The following CREB5 variants were observed in gnomAD, a reference collection of about 807,000 sequenced individuals.
CREB5 encodes the protein cyclic AMP-responsive element-binding protein 5.
In CREB5, 19 loss-of-function variants were observed where a neutral mutation model predicts 57.1. The ratio of observed to expected loss-of-function variants is 0.33; its 90% CI spans 0.23 to 0.49. CREB5 has a LOEUF of 0.49. CREB5 is among the 20% of genes least tolerant of loss of function. The probability of loss-of-function intolerance (pLI) is 0.99; values close to 1 mark genes in which losing one functional copy is unlikely to be tolerated. For synonymous variants in CREB5, 238 were observed against 238.3 expected, an observed-to-expected ratio of 1.00 and a Z score of 0.01; for missense variants, 579 against 671.6, an observed-to-expected ratio of 0.86 and a Z score of 1.52.
chr7:28,365,943 T>C (rs1336485422), intron 1 of CREB5, among the ~76,000 whole-genome samples: 2 of 152,224 alleles, frequency 1.3e-5, no homozygotes, highest in Non-Finnish European at 2.9e-5. Context: ...TTGCTAGGGA[T>C]AGAATTTCCA....
At chr7:28,537,660 A>G (rs946023195) in intron 4 of CREB5, among the ~76,000 whole-genome samples, 1 of 152,348 alleles carries the variant, frequency 6.6e-6, no homozygotes, top group African/African-American at 2.4e-5. Flanking sequence ...TGAATTTCCA[A>G]CAGGGTATGC....
chr7:28,362,707 C>A (rs1427873545), intron 1 of CREB5, among the ~76,000 whole-genome samples: 5 of 152,174 alleles, frequency 3.3e-5, no homozygotes, highest in African/African-American at 1.2e-4. Flanking sequence ...TGTGTTTATA[C>A]ATGCCTGTAG....
chr7:28,399,144 T>A (rs936707952), intron 1 of CREB5, among the ~76,000 whole-genome samples: 1 of 152,116 alleles, frequency 6.6e-6, no homozygotes, highest in Non-Finnish European at 1.5e-5. Flanking sequence ...AGAGCTGATA[T>A]AAGAGTGGGG....
chr7:28,700,442 G>T (rs915248962), intron 5 of CREB5, among the ~76,000 whole-genome samples: 3 of 152,160 alleles, frequency 2.0e-5, no homozygotes, highest in African/African-American at 7.2e-5. Flanking sequence ...GGGCAGCAAT[G>T]ATCTTTTATT....
At chr7:28,672,111 A>C (rs532202409) in intron 5 of CREB5, among the ~76,000 whole-genome samples, 26 of 152,118 alleles carry the variant, frequency 1.7e-4, no homozygotes, top group African/African-American at 6.3e-4. Context: ...AAATACAAAA[A>C]TCACTTTCTA....
chr7:28,306,443 C>T (rs1352501598), intron 1 of CREB5, among the ~76,000 whole-genome samples: 2 of 151,780 alleles, frequency 1.3e-5, no homozygotes, highest in African/African-American at 4.8e-5. Context: ...TTGATGTCTG[C>T]CAGGGTAGAC....
At chr7:28,577,732 G>A (rs1795957014) in intron 5 of CREB5, among the ~76,000 whole-genome samples, 1 of 152,120 alleles carries the variant, frequency 6.6e-6, no homozygotes, top group African/African-American at 2.4e-5. Context: ...GGGGGGTGGG[G>A]TACCACTAGA....
chr7:28,330,440 G>A (rs1221572652), intron 1 of CREB5, among the ~76,000 whole-genome samples: 1 of 88,146 alleles, frequency 1.1e-5, no homozygotes, highest in Admixed American at 1.4e-4. Flanking sequence ...AGTTTGCATC[G>A]TCAGAGGAAC....
chr7:28,749,039 T>C (rs568397380), intron 7 of CREB5, among the ~76,000 whole-genome samples: 1 of 152,304 alleles, frequency 6.6e-6, no homozygotes, highest in Non-Finnish European at 1.5e-5. Context: ...CTACTAAAAC[T>C]GCCTTGAGCC....
At chr7:28,422,858 A>C (rs1244750693) in intron 1 of CREB5, among the ~76,000 whole-genome samples, 1 of 152,202 alleles carries the variant, frequency 6.6e-6, no homozygotes, top group Non-Finnish European at 1.5e-5. Context: ...TACCTAGACA[A>C]CCACTGATTA....
chr7:28,690,050 CAA>C lies in CREB5; in HGVS notation c.465-28701_465-28700del, dbSNP rs149418817. 1.1e-3 allele frequency among the ~76,000 whole-genome samples: 166 copies of C among 152,232 alleles called. 1 individual carries two copies. The highest frequency in any genetic ancestry group is 3.9e-3 in the African/African-American group (163 of 41,548). On this transcript the variant is annotated intron_variant, in intron 5 of 10. Transcript: ENST00000357727. ...TCTAGGTCTAGCTCACCATCACCAACAAACTTTCCATCACCATCCTGACTTGG... is the reference window on the plus strand; with the variant it reads ...TCTAGGTCTAGCTCACCATCACCAACACTTTCCATCACCATCCTGACTTGG...
intron 5 of CREB5, among the ~76,000 whole-genome samples, chr7:28,637,044 C>T (rs931595361): frequency 2.6e-5 from 4 of 151,956 alleles, no homozygotes; most frequent in Non-Finnish European, 5.9e-5. Flanking sequence ...GTCCCAGCTA[C>T]TTGGGAGGCT....
chr7:28,472,571 G>A (rs576240227), intron 1 of CREB5, among the ~76,000 whole-genome samples: 1 of 152,270 alleles, frequency 6.6e-6, no homozygotes, highest in East Asian at 1.9e-4. Context: ...TTCTTACTTT[G>A]CGGGGAAGTC....
Position 28,317,102 on chromosome 7 carries a change from C to T in CREB5, c.-25+17661C>T, listed in dbSNP as rs1282122258. Among the ~76,000 whole-genome samples, 9 of 151,124 alleles carry T rather than the reference C, an allele frequency of 6.0e-5. No individual in the cohort carries two copies. The Admixed American group carries it at 6.0e-4, about 10-fold the overall frequency. ...GCAGAAATACAAAAGGAGACCCATC[C>T]CATCTCCTCCCTGGCAGTATTTATC... is the stretch of plus-strand genomic sequence containing the variant. On this transcript the variant is annotated intron_variant, in intron 1 of 9. Coordinates refer to the CREB5 transcript ENST00000396299.
rs1284985721 is a variant in CREB5, at chr7:28,570,345, C to T, written c.292-20C>T. The T allele has an allele frequency of 6.9e-6, 11 of 1,602,380 alleles. No individual in the cohort carries two copies. Among genetic ancestry groups the T allele is most frequent in the Non-Finnish European group, 6.8e-6 (8 of 1,172,076 alleles). On this transcript the variant is annotated intron_variant, in intron 4 of 10. Transcript: ENST00000357727. Reference sequence around the variant, plus strand: ...AACATTGACTCCTCCTGACCTTTCCCCTGTGTCTTCTCTGGGCAGAATATC... The same window carrying T: ...AACATTGACTCCTCCTGACCTTTCCTCTGTGTCTTCTCTGGGCAGAATATC...
At chr7:28,305,470 G>C (rs574783627) in intron 1 of CREB5, among the ~76,000 whole-genome samples, 12 of 152,304 alleles carry the variant, frequency 7.9e-5, no homozygotes, top group African/African-American at 2.4e-4. Flanking sequence ...TTCTAGCTCT[G>C]TAGCTCAGTA....
At chr7:28,793,818 T>A (rs1348915437) in intron 7 of CREB5, among the ~76,000 whole-genome samples, 3 of 152,242 alleles carry the variant, frequency 2.0e-5, no homozygotes, top group Non-Finnish European at 4.4e-5. Flanking sequence ...CAAGGACTAC[T>A]GTGCGTTGAA....
chr7:28,643,991 T>C (rs1172034395), intron 5 of CREB5, among the ~76,000 whole-genome samples: 2 of 151,562 alleles, frequency 1.3e-5, no homozygotes, highest in Non-Finnish European at 2.9e-5. Flanking sequence ...GGTGGGAGAA[T>C]TGTTTGGGCC....
intron 4 of CREB5, among the ~76,000 whole-genome samples, chr7:28,511,478 T>C (rs1464912171): frequency 6.6e-6 from 1 of 152,064 alleles, no homozygotes; most frequent in Non-Finnish European, 1.5e-5. Context: ...TGGGAAACTA[T>C]AGGACAATTT....
Sources: allele counts gnomAD v4.1 joint callset (sites outside exome capture counted in the v4.1 genomes callset), GRCh38; gene constraint gnomAD v4.1.1; transcripts MANE v1.5; gene names NCBI Gene and HGNC (gene_info 2026-07-23, HGNC 2026-07-21).